ZNF398: variants seen among roughly 807,000 people sequenced by gnomAD.
ZNF398 encodes zinc finger protein 398.
ZNF398 carries 18 observed loss-of-function variants against 41.9 expected under a neutral mutation model. The ratio of observed to expected loss-of-function variants is 0.43; its 90% CI spans 0.30 to 0.64. The LOEUF is 0.64. ZNF398 is among the 30% of genes least tolerant of loss of function. ZNF398 has a pLI of 0.14. For synonymous variants in ZNF398, 260 were observed against 308.8 expected, an observed-to-expected ratio of 0.84 and a Z score of 1.66; for missense variants, 669 against 822.8, an observed-to-expected ratio of 0.81 and a Z score of 2.29.
In ZNF398 at chr7:149,131,877, A is replaced by G. The variant is rs192457364; in HGVS notation, c.-490+2933A>G. On this transcript the variant is annotated intron_variant, in intron 2 of 6. Coordinates refer to the ZNF398 transcript ENST00000426851. ...TAGTGGAAAATTCTTTGCTTTTGAC[A>G]CTTTTAAACAGTTTTAGACATTTTA... is the stretch of plus-strand genomic sequence containing the variant. 2.1e-4 allele frequency among the ~76,000 whole-genome samples: 32 copies of G among 152,296 alleles called. No individual in the cohort carries two copies. In the East Asian group the frequency reaches 5.4e-3, roughly 26 times the overall value.
In ZNF398 at chr7:149,178,845, A is replaced by C; in HGVS notation, c.973A>C (p.Thr325Pro). The C allele has an allele frequency of 1.9e-6, 3 of 1,614,094 alleles. No homozygotes were observed. Among genetic ancestry groups the C allele is most frequent in the Non-Finnish European group, 2.5e-6 (3 of 1,179,986 alleles). ...DLPEASEGQV[T>P]FTQLGSYPLP... is the part of the protein sequence containing the mutation. ...GCCTGAAGCCTCTGAGGGACAAGTG[A>C]CTTTTACTCAGTTGGGTAGCTATCC... is the stretch of plus-strand genomic sequence containing the variant. Residue 325 changes from threonine to proline, a missense_variant, in exon 6 of 6, where the codon ACT becomes CCT. Thr to Pro is a conservative substitution (Grantham distance 38). Transcript: ENST00000475153.
chr7:149,171,318 A>G (rs1231071890), intron 4 of ZNF398, among the ~76,000 whole-genome samples: 5 of 151,934 alleles, frequency 3.3e-5, no homozygotes, highest in Admixed American at 3.3e-4. Context: ...ATATATACAA[A>G]AATATTTTTT....
rs1458942633 is a variant in ZNF398, at chr7:149,147,569, C to T, written c.-174C>T. 3.1e-6 allele frequency: 2 copies of T among 652,532 alleles called. No individual in the cohort carries two copies. Among genetic ancestry groups the T allele is most frequent in the African/African-American group, 1.9e-5 (1 of 52,224 alleles). 40.4% of individuals were successfully genotyped at this position (652,532 alleles called of 1,614,324 possible). A position where few individuals can be genotyped will look rare whatever the true frequency, so the allele number is the denominator to read the frequency against. On this transcript the variant is annotated 5_prime_UTR_variant, in exon 1 of 6. Coordinates refer to ENST00000475153, the MANE Select transcript of ZNF398 (RefSeq NM_170686.3). The surrounding 1 kb of genome is among the most constrained non-coding windows in gnomAD (Gnocchi z 5.6). ...GCTGCACCGCGCCTCCGCCGCGTTC[C>T]TGCGCGTCCCGAGCCCCGACGGCCG...
At chr7:149,133,217 G>A (rs1826634144) in intron 2 of ZNF398, among the ~76,000 whole-genome samples, 1 of 151,824 alleles carries the variant, frequency 6.6e-6, no homozygotes, top group Admixed American at 6.6e-5. Context: ...ATTGGTTCAG[G>A]CGATTCTCCT....
At chr7:149,177,268 G>A (rs1795482762) in intron 5 of ZNF398, among the ~76,000 whole-genome samples, 3 of 152,114 alleles carry the variant, frequency 2.0e-5, no homozygotes, top group Admixed American at 2.0e-4. Flanking sequence ...GATGAGTGGG[G>A]TGGACGACTT....
chr7:149,153,303 C>T (rs554841312), intron 1 of ZNF398, among the ~76,000 whole-genome samples: 12 of 152,070 alleles, frequency 7.9e-5, no homozygotes, highest in South Asian at 2.1e-4. Flanking sequence ...ACCAAGACCC[C>T]GTCTCTAAAA....
At chr7:149,141,501 C>T (rs916829889) in intron 2 of ZNF398, among the ~76,000 whole-genome samples, 6 of 136,668 alleles carry the variant, frequency 4.4e-5, no homozygotes, top group Non-Finnish European at 6.1e-5. Context: ...GTAGCCCAGG[C>T]TGGAGTGCAG....
intron 2 of ZNF398, among the ~76,000 whole-genome samples, chr7:149,139,821 C>T (rs546205302): frequency 2.2e-4 from 34 of 151,710 alleles, no homozygotes; most frequent in Non-Finnish European, 4.4e-4. Context: ...CTGGCTAACA[C>T]GGTGAAACCC....
chr7:149,181,184 A>G lies in ZNF398; in HGVS notation c.*1383A>G, dbSNP rs986568310. The G allele has an allele frequency of 6.6e-6, 1 of 152,646 alleles. No homozygotes were observed. The highest frequency in any genetic ancestry group is 6.5e-5 in the Admixed American group (1 of 15,278). The allele number at this position is 152,646 out of a possible 1,614,324, so 9.5% of individuals were successfully genotyped here. A position where few individuals can be genotyped will look rare whatever the true frequency, so the allele number is the denominator to read the frequency against. ...AAAGTGAGCCTCTAGGAATTATTCAAAAAAAGTCTGTGATACATTCCTTTT... is the reference window on the plus strand; with the variant it reads ...AAAGTGAGCCTCTAGGAATTATTCAGAAAAAGTCTGTGATACATTCCTTTT... On this transcript the variant is annotated 3_prime_UTR_variant, in exon 6 of 6. Transcript: ENST00000475153.
intron 4 of ZNF398, among the ~76,000 whole-genome samples, chr7:149,173,167 C>T (rs368445461): frequency 7.4e-6 from 1 of 134,358 alleles, no homozygotes; most frequent in African/African-American, 2.7e-5. Flanking sequence ...TGCAGTGGCA[C>T]GATCTCGGCT....
chr7:149,159,874 C>T (rs1159225464), intron 2 of ZNF398, among the ~76,000 whole-genome samples: 1 of 151,936 alleles, frequency 6.6e-6, no homozygotes, highest in Non-Finnish European at 1.5e-5. Context: ...TAAAAGCATG[C>T]ACCACCATGC....
intron 2 of ZNF398, among the ~76,000 whole-genome samples, chr7:149,138,987 T>C (rs1310692068): frequency 6.6e-6 from 1 of 150,922 alleles, no homozygotes; most frequent in Non-Finnish European, 1.5e-5. Flanking sequence ...CTTGACTCAC[T>C]GCAACCTCTG....
chr7:149,135,389 C>CAAAAAAAAAAAAAAAAAA (rs777888671), intron 2 of ZNF398, among the ~76,000 whole-genome samples: 2 of 61,400 alleles, frequency 3.3e-5, no homozygotes, highest in Non-Finnish European at 6.2e-5. Flanking sequence ...GACTCTGTCT[C>CAAAAAAAAAAAAAAAAAA]AAAAAAAAAA....
intron 2 of ZNF398, among the ~76,000 whole-genome samples, chr7:149,136,802 TCGTG>T (rs1453071174): frequency 6.6e-6 from 1 of 151,718 alleles, no homozygotes; most frequent in Non-Finnish European, 1.5e-5. Context: ...TCTCCTGACC[TCGTG>T]ATCCACCTGC....
At chr7:149,149,445 G>A (rs1187470575) in intron 1 of ZNF398, among the ~76,000 whole-genome samples, 1 of 152,020 alleles carries the variant, frequency 6.6e-6, no homozygotes, top group Non-Finnish European at 1.5e-5. Context: ...TGTTTGCCGG[G>A]ATGGTCTCAA....
At chr7:149,147,419 C>T (rs1321172620), upstream of ZNF398, 15 of 185,690 alleles carry the variant, frequency 8.1e-5, no homozygotes, top group East Asian at 1.7e-3. The surrounding 1 kb of genome is among the most constrained non-coding windows in gnomAD (Gnocchi z 5.6). Context: ...GCAGCGCGAG[C>T]CTGCGGCGCG....
upstream of ZNF398, among the ~76,000 whole-genome samples, chr7:149,144,659 G>A (rs766957458): frequency 2.0e-5 from 3 of 150,770 alleles, no homozygotes; most frequent in Non-Finnish European, 4.4e-5. Context: ...TGCAATCTCC[G>A]CTCACTGCAA....
At chr7:149,165,476 T>C (rs1795208089) in intron 2 of ZNF398, among the ~76,000 whole-genome samples, 1 of 152,170 alleles carries the variant, frequency 6.6e-6, no homozygotes, top group African/African-American at 2.4e-5. Flanking sequence ...AAGGTGTAAA[T>C]CTTGGAGGCA....
intron 2 of ZNF398, among the ~76,000 whole-genome samples, chr7:149,134,255 T>TTTTTTTG (rs1826666967): frequency 6.6e-6 from 1 of 151,678 alleles, no homozygotes; most frequent in African/African-American, 2.4e-5. Flanking sequence ...TTGTTTTTTT[T>TTTTTTTG]GGATTTTTAG....
Sources: allele counts gnomAD v4.1 joint callset (sites outside exome capture counted in the v4.1 genomes callset), GRCh38; gene constraint gnomAD v4.1.1; non-coding constraint Gnocchi (gnomAD v3.1); transcripts MANE v1.5; gene names NCBI Gene and HGNC (gene_info 2026-07-23, HGNC 2026-07-21).